The following KRABD1 variants were observed in gnomAD, a reference collection of about 807,000 sequenced individuals.
The protein encoded by KRABD1 is KRAB domain containing 1.
the KRABD1 span, among the ~76,000 whole-genome samples, chr3:42,939,712 A>G: frequency 6.6e-6 from 1 of 152,098 alleles, no homozygotes; most frequent in Non-Finnish European, 1.5e-5. Flanking sequence ...CCTTACCATT[A>G]CTTGTTGTCA....
chr3:42,937,273 T>C, the KRABD1 span: 1 of 152,254 alleles, frequency 6.6e-6, no homozygotes, highest in Non-Finnish European at 1.5e-5. Flanking sequence ...TGTTCTCCAA[T>C]GTGGCTTGTT....
chr3:42,939,354 C>T, the KRABD1 span, among the ~76,000 whole-genome samples: 5 of 152,204 alleles, frequency 3.3e-5, no homozygotes, highest in Non-Finnish European at 7.3e-5. Flanking sequence ...TTCTTTTGCT[C>T]AACGTTATGT....
At chr3:42,940,861 GC>G in the KRABD1 span, among the ~76,000 whole-genome samples, 2 of 152,176 alleles carry the variant, frequency 1.3e-5, no homozygotes, top group Non-Finnish European at 2.9e-5. Flanking sequence ...TTAGGGAGGG[GC>G]TTAGAGCTAA....
chr3:42,941,327 G>T, the KRABD1 span: 1 of 1,599,724 alleles, frequency 6.3e-7, no homozygotes, highest in Non-Finnish European at 8.5e-7. Context: ...TGATGCTGGA[G>T]AACTATGAGG....
chr3:42,937,682 A>G, the KRABD1 span: 1 of 152,208 alleles, frequency 6.6e-6, no homozygotes, highest in Non-Finnish European at 1.5e-5. Flanking sequence ...TTACACTCAT[A>G]AATATTTCTC....
chr3:42,936,706 T>C, the KRABD1 span: 2 of 152,254 alleles, frequency 1.3e-5, no homozygotes, highest in Middle Eastern at 3.1e-3. Context: ...ACAAAAAGTT[T>C]TAACTGTCCA....
the KRABD1 span, among the ~76,000 whole-genome samples, chr3:42,939,776 A>T: frequency 1.3e-5 from 2 of 152,200 alleles, no homozygotes; most frequent in Non-Finnish European, 2.9e-5. Flanking sequence ...TCTAGTAAGC[A>T]GTGATGCTGA....
At chr3:42,937,113 G>C in the KRABD1 span, 2 of 152,162 alleles carry the variant, frequency 1.3e-5, no homozygotes, top group Non-Finnish European at 2.9e-5. Flanking sequence ...TGGAGATGTC[G>C]AAAGATTTCT....
chr3:42,940,899 TCTC>T, the KRABD1 span, among the ~76,000 whole-genome samples: 13 of 152,262 alleles, frequency 8.5e-5, no homozygotes, highest in African/African-American at 3.1e-4. Flanking sequence ...GGGGGTCAGT[TCTC>T]CTTCCACAAG....
chr3:42,942,583 T>C, the KRABD1 span: 1 of 1,442,260 alleles, frequency 6.9e-7, no homozygotes. Context: ...AAAGCAGTGT[T>C]ACGTAGAATA....
chr3:42,941,858 A>G, the KRABD1 span: 18 of 728,170 alleles, frequency 2.5e-5, no homozygotes, highest in Non-Finnish European at 4.3e-5. Context: ...CCCGGGAATT[A>G]CTCTCCTCAC....
chr3:42,941,843 G>C, the KRABD1 span: 2 of 683,860 alleles, frequency 2.9e-6, no homozygotes, highest in South Asian at 3.4e-5. Context: ...CTCTCGTATA[G>C]CTCACCCGGG....
chr3:42,938,678 C>G, the KRABD1 span: 4 of 424,428 alleles, frequency 9.4e-6, no homozygotes, highest in East Asian at 1.3e-4. Flanking sequence ...GATTCTACCT[C>G]CTTTTTGCAT....
the KRABD1 span, chr3:42,941,246 C>T: frequency 8.9e-6 from 14 of 1,568,672 alleles, no homozygotes; most frequent in South Asian, 6.9e-5. Flanking sequence ...CTTTTGAGGA[C>T]GTGGCTGTGT....
chr3:42,937,539 A>G, the KRABD1 span: 1 of 152,218 alleles, frequency 6.6e-6, no homozygotes, highest in African/African-American at 2.4e-5. Context: ...TAGATTCCAC[A>G]ATTACAAGGG....
At chr3:42,942,015 G>T in the KRABD1 span, 1 of 1,535,976 alleles carries the variant, frequency 6.5e-7, no homozygotes, top group East Asian at 2.4e-5. Context: ...AAAGAGTCCT[G>T]TTTCACCCAG....
At chr3:42,941,463 C>G in the KRABD1 span, 1 of 1,170,884 alleles carries the variant, frequency 8.5e-7, no homozygotes, top group South Asian at 1.7e-5. Flanking sequence ...GTATAGAAAG[C>G]CCTGGTGTCT....
At chr3:42,938,969 G>A in the KRABD1 span, 5 of 1,473,168 alleles carry the variant, frequency 3.4e-6, no homozygotes, top group African/African-American at 4.2e-5. Flanking sequence ...ATATCCCTGT[G>A]TGTATATACA....
the KRABD1 span, among the ~76,000 whole-genome samples, chr3:42,941,641 C>T: frequency 6.6e-5 from 10 of 152,172 alleles, no homozygotes; most frequent in South Asian, 1.0e-3. Flanking sequence ...CACTTTGTCT[C>T]CCTCTGGGAG....
Sources: allele counts gnomAD v4.1 joint callset (sites outside exome capture counted in the v4.1 genomes callset), GRCh38; gene constraint gnomAD v4.1.1; transcripts MANE v1.5; gene names NCBI Gene and HGNC (gene_info 2026-07-23, HGNC 2026-07-21).